HEXB: variants seen among roughly 807,000 people sequenced by gnomAD.
HEXB encodes hexosaminidase subunit beta.
A neutral mutation model predicts 71.2 loss-of-function variants in HEXB; 51 were observed. That is an observed-to-expected ratio of 0.72 (90% confidence interval 0.57 to 0.90). The LOEUF is 0.90. HEXB is among the 40% of genes least tolerant of loss of function. HEXB has a pLI of 0.00. For missense variants in HEXB, 617 were observed against 677.0 expected, an observed-to-expected ratio of 0.91 and a Z score of 0.98; for synonymous variants, 266 against 249.3, an observed-to-expected ratio of 1.07 and a Z score of -0.63.
intron 1 of HEXB, among the ~76,000 whole-genome samples, chr5:74,687,765 A>G (rs576034487): frequency 2.0e-5 from 3 of 152,010 alleles, no homozygotes; most frequent in Non-Finnish European, 4.4e-5. Context: ...CGGTGGTCTT[A>G]ATTTCCTTTT....
chr5:74,668,230 T>TTGTG lies in HEXB; in HGVS notation c.-376-21072_-376-21069dup, dbSNP rs34727155. Among the ~76,000 whole-genome samples, 1,307 of 148,664 alleles carry TTGTG rather than the reference T, an allele frequency of 8.8e-3. 14 individuals are homozygous for TTGTG. The highest frequency in any genetic ancestry group is 0.054 in the East Asian group (275 of 5,074). On this transcript the variant is annotated intron_variant, in intron 1 of 13. Coordinates refer to the HEXB transcript ENST00000511181. ...TTTTGTTTTTTTGTTTTTGTTTTGT[T>TTGTG]TGTGTGTGTGTGTGTGTGTGTGTGT...
At chr5:74,662,283 C>T (rs1580364860) in intron 1 of HEXB, among the ~76,000 whole-genome samples, 1 of 152,246 alleles carries the variant, frequency 6.6e-6, no homozygotes, top group South Asian at 2.1e-4. Flanking sequence ...TATTCAGCTA[C>T]TCTTACTGTC....
chr5:74,646,050 A>C (rs1197481482), intron 1 of HEXB, among the ~76,000 whole-genome samples: 2 of 151,998 alleles, frequency 1.3e-5, no homozygotes, highest in Non-Finnish European at 2.9e-5. Flanking sequence ...TTGAGGGGCA[A>C]GTATGGCAAT....
intron 3 of HEXB, among the ~76,000 whole-genome samples, chr5:74,695,200 G>C (rs1204146814): frequency 7.1e-6 from 1 of 141,584 alleles, no homozygotes; most frequent in Non-Finnish European, 1.5e-5. Context: ...GAGAAGAGAC[G>C]CTTTTTTTTT....
In HEXB at chr5:74,720,118, A is replaced by G. The variant is rs138255384; in HGVS notation, c.1418-310A>G. The G allele has an allele frequency of 2.9e-3, 1,056 of 358,298 alleles. 4 individuals are homozygous for G. Among genetic ancestry groups the G allele is most frequent in the Non-Finnish European group, 3.3e-3 (622 of 190,748 alleles). 22.2% of individuals were successfully genotyped at this position (358,298 alleles called of 1,614,324 possible). A position where few individuals can be genotyped will look rare whatever the true frequency, so the allele number is the denominator to read the frequency against. On this transcript the variant is annotated intron_variant, in intron 11 of 13. Coordinates refer to ENST00000261416, the MANE Select transcript of HEXB (RefSeq NM_000521.4). ...ATTTAAAAAATGGTTTCTGGTGTCC[A>G]GGTAAGTTTGCATAAAACCAAAATA...
intron 3 of HEXB, among the ~76,000 whole-genome samples, chr5:74,694,023 G>A (rs1253746875): frequency 6.6e-6 from 1 of 152,156 alleles, no homozygotes; most frequent in Non-Finnish European, 1.5e-5. Context: ...GCCAGGCATA[G>A]TGGTGTGGAC....
At chr5:74,670,794 C>T (rs1041313772) in intron 1 of HEXB, among the ~76,000 whole-genome samples, 63 of 152,228 alleles carry the variant, frequency 4.1e-4, no homozygotes, top group South Asian at 6.2e-4. Flanking sequence ...GTTTGCAACA[C>T]GCCTGGTCCA....
chr5:74,647,208 G>A (rs963743252), intron 1 of HEXB, among the ~76,000 whole-genome samples: 4 of 152,200 alleles, frequency 2.6e-5, no homozygotes, highest in African/African-American at 9.6e-5. Flanking sequence ...TTTGTTCTAA[G>A]TAATTACATT....
At position 74,652,670 on chromosome 5, in the gene HEXB, G is replaced by C. The variant is rs1395860081; in HGVS notation, c.-377+12112G>C. ...CCTCCCTTACCCCCACTACCCCCAGGATTGTGTCCAAGTTCCAAAGTGTTC... is the reference window on the plus strand; with the variant it reads ...CCTCCCTTACCCCCACTACCCCCAGCATTGTGTCCAAGTTCCAAAGTGTTC... On this transcript the variant is annotated intron_variant, in intron 1 of 13. Coordinates refer to the HEXB transcript ENST00000511181. This position sits in a 1 kb window ranked among gnomAD's most constrained non-coding sequence, Gnocchi z 5.4. Among the ~76,000 whole-genome samples the C allele has an allele frequency of 6.6e-6, 1 of 152,038 alleles. No individual in the cohort carries two copies. Among genetic ancestry groups the C allele is most frequent in the African/African-American group, 2.4e-5 (1 of 41,382 alleles).
rs1239351635 is a variant in HEXB, at chr5:74,707,360, C to T, written c.771+2040C>T. On this transcript the variant is annotated intron_variant, in intron 6 of 13. Transcript: ENST00000261416. Reference sequence around the variant, plus strand: ...ATGGGGAAAAAACAGAGCAGAAAAACTGGAAACTCTAAAAAGCAGAGCACC... The same window carrying T: ...ATGGGGAAAAAACAGAGCAGAAAAATTGGAAACTCTAAAAAGCAGAGCACC... Among the ~76,000 whole-genome samples, 9 of 152,310 alleles carry T rather than the reference C, an allele frequency of 5.9e-5. No homozygotes were observed. The East Asian group carries it at 1.7e-3, about 29-fold the overall frequency.
At chr5:74,689,654 T>A (rs1748952364) in intron 2 of HEXB, 181 bp downstream of exon 2, 1 of 636,118 alleles carries the variant, frequency 1.6e-6, no homozygotes, top group African/African-American at 1.8e-5. Flanking sequence ...TGTGGAAAAT[T>A]TATTAAGTAC....
At chr5:74,650,522 A>G (rs555135244) in intron 1 of HEXB, among the ~76,000 whole-genome samples, 19 of 152,244 alleles carry the variant, frequency 1.2e-4, no homozygotes, top group Non-Finnish European at 1.9e-4. Flanking sequence ...TGGGCTGGAG[A>G]AGGGGGTTGG....
intron 1 of HEXB, among the ~76,000 whole-genome samples, chr5:74,688,467 T>C (rs930146992): frequency 2.6e-5 from 4 of 152,072 alleles, no homozygotes; most frequent in African/African-American, 9.7e-5. Context: ...CCTGAGTAGC[T>C]GGGATTACAG....
At chr5:74,677,885 A>G (rs1456176188) in intron 1 of HEXB, among the ~76,000 whole-genome samples, 2 of 151,972 alleles carry the variant, frequency 1.3e-5, no homozygotes, top group African/African-American at 4.8e-5. Context: ...TCCACAGTCC[A>G]TTATATCGCT....
chr5:74,661,952 CT>C (rs1203368483), intron 1 of HEXB, among the ~76,000 whole-genome samples: 1 of 152,134 alleles, frequency 6.6e-6, no homozygotes, highest in African/African-American at 2.4e-5. Flanking sequence ...CCTGTTTGTC[CT>C]CATGACAACC....
intron 1 of HEXB, among the ~76,000 whole-genome samples, chr5:74,648,262 T>C (rs1184611381): frequency 6.6e-6 from 1 of 152,204 alleles, no homozygotes; most frequent in Non-Finnish European, 1.5e-5. Context: ...AAGAAAATTA[T>C]CCCAAATGGT....
In HEXB at chr5:74,642,705, G is replaced by A. The variant is rs1747926258; in HGVS notation, c.-377+2147G>A. Among the ~76,000 whole-genome samples, 4 of 151,978 alleles carry A rather than the reference G, an allele frequency of 2.6e-5. No individual in the cohort carries two copies. The South Asian group carries it at 8.3e-4, about 32-fold the overall frequency. On this transcript the variant is annotated intron_variant, in intron 1 of 13. Transcript: ENST00000511181. ...GGTTGGGGATTTTGCCACAGGAAGC[G>A]ACAGAACTAGGGACAGGTATGTATC...
At chr5:74,662,827 C>T (rs1390482017) in intron 1 of HEXB, among the ~76,000 whole-genome samples, 1 of 152,002 alleles carries the variant, frequency 6.6e-6, no homozygotes, top group Non-Finnish European at 1.5e-5. Context: ...GGATGTGGTC[C>T]TAGAGCAGAA....
chr5:74,659,329 GC>G (rs2112085920), intron 1 of HEXB, among the ~76,000 whole-genome samples: 1 of 152,280 alleles, frequency 6.6e-6, no homozygotes, highest in Admixed American at 6.5e-5. Flanking sequence ...CATGGTCAGG[GC>G]CAGGAGCACA....
Sources: gnomAD v4.1 joint callset for allele counts (sites outside exome capture counted in the v4.1 genomes callset) on GRCh38, gnomAD v4.1.1 for gene constraint, Gnocchi (gnomAD v3.1) non-coding constraint, MANE v1.5 for transcripts, NCBI Gene and HGNC (gene_info 2026-07-23, HGNC 2026-07-21) for gene names.